The following MEF2D variants were observed in gnomAD, a reference collection of about 807,000 sequenced individuals.
The protein encoded by MEF2D is myocyte-specific enhancer factor 2D.
In MEF2D, 10 loss-of-function variants were observed where a neutral mutation model predicts 59.3. That is an observed-to-expected ratio of 0.17 (90% CI 0.10 to 0.29). The LOEUF is 0.29. Ranked by LOEUF, MEF2D falls within the 10% of genes least tolerant of loss-of-function variation. The pLI, the probability that MEF2D is intolerant of heterozygous loss-of-function variation, is 1.00. For missense variants in MEF2D, 508 were observed against 699.4 expected (o/e 0.73, Z 3.09); for synonymous variants, 305 against 295.0 (o/e 1.03, Z -0.35).
At chr1:156,487,569 A>C (rs929872466) in intron 1 of MEF2D, among the ~76,000 whole-genome samples, 7 of 152,206 alleles carry the variant, frequency 4.6e-5, no homozygotes, top group African/African-American at 1.7e-4. Flanking sequence ...ACATGAACTC[A>C]ACCCTGATTT....
intron 1 of MEF2D, among the ~76,000 whole-genome samples, chr1:156,500,106 G>A (rs1353475407): frequency 6.6e-6 from 1 of 152,092 alleles, no homozygotes; most frequent in Non-Finnish European, 1.5e-5. Context: ...AATGTCAGTC[G>A]CTCCCGACTG....
At chr1:156,474,238 C>T (rs1262811642) in intron 9 of MEF2D, among the ~76,000 whole-genome samples, 1 of 152,144 alleles carries the variant, frequency 6.6e-6, no homozygotes, top group African/African-American at 2.4e-5. Flanking sequence ...CACTTGAACT[C>T]AGGAGTTTGA....
Position 156,478,370 on chromosome 1 carries a change from C to T in MEF2D, c.664+920G>A. On this transcript the variant is annotated intron_variant, in intron 6 of 11. Transcript: ENST00000348159. ...CATGCTGTTGCCCTGGAAGTGTGTG[C>T]CTGCCTCCATCCCAATTCCCGGACC... 2.0e-5 allele frequency among the ~76,000 whole-genome samples: 3 copies of T among 152,038 alleles called. 1 individual carries two copies. In the East Asian group the frequency reaches 5.8e-4, roughly 29 times the overall value.
chr1:156,485,846 CTTTTT>C (rs977417772), intron 1 of MEF2D, among the ~76,000 whole-genome samples: 1 of 148,970 alleles, frequency 6.7e-6, no homozygotes, highest in Non-Finnish European at 1.5e-5. Context: ...ATTTTTTTGA[CTTTTT>C]TTTTCTTTTT....
At chr1:156,481,043 C>T (rs1243402613) in intron 3 of MEF2D, 72 bp from the exon 4 acceptor site, 31 of 1,596,148 alleles carry the variant, frequency 1.9e-5, no homozygotes, top group Non-Finnish European at 2.4e-5. Flanking sequence ...CCTTCCAGCC[C>T]CTCCCTAAGG....
intron 1 of MEF2D, among the ~76,000 whole-genome samples, chr1:156,500,258 C>T (rs1196207919): frequency 6.6e-6 from 1 of 152,172 alleles, no homozygotes; most frequent in African/African-American, 2.4e-5. Flanking sequence ...AATTGCAGCC[C>T]ACTCCACTTG....
chr1:156,482,249 C>A (rs1398789595), intron 3 of MEF2D, among the ~76,000 whole-genome samples, 188 bp downstream of exon 3: 1 of 152,238 alleles, frequency 6.6e-6, no homozygotes, highest in Non-Finnish European at 1.5e-5. Flanking sequence ...GCCCTTCCTT[C>A]CTCCTCAGAC....
At chr1:156,480,433 G>T (rs1488703697) in intron 4 of MEF2D, among the ~76,000 whole-genome samples, 1 of 152,144 alleles carries the variant, frequency 6.6e-6, no homozygotes, top group African/African-American at 2.4e-5. Flanking sequence ...GCTGGAGAGG[G>T]GGACACTCCA....
At chr1:156,473,002 G>A (rs1300795456) in intron 9 of MEF2D, among the ~76,000 whole-genome samples, 3 of 150,918 alleles carry the variant, frequency 2.0e-5, no homozygotes, top group African/African-American at 4.9e-5. Context: ...GAGCCATTGC[G>A]CCCAGCCTTT....
intron 1 of MEF2D, among the ~76,000 whole-genome samples, chr1:156,491,108 C>G (rs890204766): frequency 6.6e-6 from 1 of 152,130 alleles, no homozygotes; most frequent in Non-Finnish European, 1.5e-5. Flanking sequence ...GAGATTGAGT[C>G]CCAGTAGAGA....
chr1:156,493,944 T>A (rs554727452), intron 1 of MEF2D, among the ~76,000 whole-genome samples: 1 of 152,208 alleles, frequency 6.6e-6, no homozygotes, highest in African/African-American at 2.4e-5. Flanking sequence ...CTAGGACACC[T>A]GTCCCCACCC....
intron 7 of MEF2D, 61 bp downstream of exon 7, chr1:156,476,951 T>C: frequency 6.3e-7 from 1 of 1,594,628 alleles, no homozygotes; most frequent in Non-Finnish European, 8.6e-7. Flanking sequence ...AGGTCTGCTC[T>C]TTCCCCTGTC....
chr1:156,479,220 C>T, intron 6 of MEF2D, 70 bp downstream of exon 6: 1 of 1,377,244 alleles, frequency 7.3e-7, no homozygotes, highest in African/African-American at 1.5e-5. Context: ...CGTTCCTGAT[C>T]CTTGGACCCC....
At position 156,469,603 on chromosome 1, in the gene MEF2D, A is replaced by AC. The variant is rs1553210299; in HGVS notation, c.1007-584_1007-583insG. On this transcript the variant is annotated intron_variant, in intron 9 of 11. Transcript: ENST00000348159. ...AGTGTTGAACTTAAAAAAAAAAAAAAAAACAGCTGGGCGAGTGGCTCATGT... is the reference window on the plus strand; with the variant it reads ...AGTGTTGAACTTAAAAAAAAAAAAAACAAACAGCTGGGCGAGTGGCTCATGT... Among the ~76,000 whole-genome samples the AC allele has an allele frequency of 1.5e-3, 220 of 148,858 alleles. 1 individual carries two copies. The highest frequency in any genetic ancestry group is 1.7e-3 in the Non-Finnish European group (114 of 67,184).
chr1:156,469,099 G>T, intron 9 of MEF2D, 79 bp from the exon 10 acceptor site: 3 of 1,514,600 alleles, frequency 2.0e-6, no homozygotes, highest in Non-Finnish European at 2.7e-6. Context: ...CCTCCAGGAG[G>T]ACTGTGGGGA....
At chr1:156,494,096 C>T (rs1286101338) in intron 1 of MEF2D, among the ~76,000 whole-genome samples, 2 of 152,150 alleles carry the variant, frequency 1.3e-5, no homozygotes, top group African/African-American at 4.8e-5. Flanking sequence ...ATCCCATCCT[C>T]CTGGTCTACC....
In MEF2D at chr1:156,464,449, G is replaced by A. The variant is rs1271861194; in HGVS notation, c.*3196C>T. 3 of 133,474 alleles carry A rather than the reference G, an allele frequency of 2.2e-5. No homozygotes were observed. Among genetic ancestry groups the A allele is most frequent in the Non-Finnish European group, 4.6e-5 (3 of 65,634 alleles). 8.3% of individuals were successfully genotyped at this position (133,474 alleles called of 1,614,324 possible). ...GAATGGTGTGTTCCACTGAGGTGGT[G>A]GGGGGGGGTGTCCTCTTGCCCACTG... On this transcript the variant is annotated 3_prime_UTR_variant, in exon 12 of 12. Transcript: ENST00000348159.
intron 1 of MEF2D, among the ~76,000 whole-genome samples, chr1:156,496,776 G>A (rs1673153210): frequency 6.6e-6 from 1 of 152,184 alleles, no homozygotes; most frequent in Admixed American, 6.5e-5. Flanking sequence ...ACCACTAAAT[G>A]CTGTGGACTG....
Position 156,468,773 on chromosome 1 carries a change from G to C in MEF2D, c.1247+7C>G. The C allele has an allele frequency of 1.2e-6, 2 of 1,607,786 alleles. No homozygotes were observed. Among genetic ancestry groups the C allele is most frequent in the Non-Finnish European group, 1.7e-6 (2 of 1,174,772 alleles). On this transcript the variant is annotated splice_region_variant and intron_variant, in intron 10 of 11. Coordinates refer to ENST00000348159, the MANE Select transcript of MEF2D (RefSeq NM_005920.4). The surrounding 1 kb of genome is among the most constrained non-coding windows in gnomAD (Gnocchi z 4.3). ...ACACACTCACATGCAGTCTCCCCAG[G>C]ACTCACATGAGGTTGCTGAGAGATA...
Sources: gnomAD v4.1 joint callset for allele counts (sites outside exome capture counted in the v4.1 genomes callset) on GRCh38, gnomAD v4.1.1 for gene constraint, Gnocchi (gnomAD v3.1) non-coding constraint, MANE v1.5 for transcripts, NCBI Gene and HGNC (gene_info 2026-07-23, HGNC 2026-07-21) for gene names.